The following ATP9A variants were observed in gnomAD, a reference collection of about 807,000 sequenced individuals.
ATP9A encodes probable phospholipid-transporting ATPase IIA.
A neutral mutation model predicts 144.1 loss-of-function variants in ATP9A; 52 were observed. The ratio of observed to expected loss-of-function variants is 0.36; its 90% CI spans 0.29 to 0.45. The LOEUF (loss-of-function observed/expected upper bound fraction) is 0.45, where lower values mean the gene tolerates loss of function less well. ATP9A is among the 20% of genes least tolerant of loss of function. The pLI is 1.00. For synonymous variants in ATP9A, 582 were observed against 557.4 expected (o/e 1.04, Z -0.62); for missense variants, 947 against 1,392.7 (o/e 0.68, Z 5.09).
intron 1 of ATP9A, among the ~76,000 whole-genome samples, chr20:51,739,420 C>A (rs369022854): frequency 4.0e-5 from 6 of 148,578 alleles, no homozygotes; most frequent in African/African-American, 1.5e-4. Flanking sequence ...GACACAATCT[C>A]GGCTCACTGC....
chr20:51,631,277 G>C (rs1439108605), intron 15 of ATP9A, among the ~76,000 whole-genome samples: 1 of 152,160 alleles, frequency 6.6e-6, no homozygotes, highest in East Asian at 1.9e-4. Context: ...GGCCAAGACA[G>C]GCACCCACGT....
chr20:51,740,242 A>C (rs1206802266), intron 1 of ATP9A, among the ~76,000 whole-genome samples: 1 of 151,234 alleles, frequency 6.6e-6, no homozygotes, highest in East Asian at 2.0e-4. Context: ...TTTTTTGTAG[A>C]GTCAGGGGTC....
rs748987403 is a variant in ATP9A at position 51,657,095 on chromosome 20, C to T, written c.1349G>A (p.Arg450Gln). The change falls in exon 14 of 28, where the codon CGG becomes CAG. Residue 450 changes from arginine to glutamine, a missense_variant. Around this residue, in one of 2 missense-constraint regions of ATP9A, gnomAD observed 770 missense variants for 1,047.9 expected, o/e 0.73. Transcript: ENST00000338821. The part of the protein sequence containing the change: ...KGPTLTTKVR[R>Q]TMSSRVHEAV... ...TTCGTGCACGCGGCTGCTCATGGTC[C>T]GCCGGACCTTAGTGGTGAGCGTTGG... The T allele has an allele frequency of 5.6e-6, 9 of 1,614,134 alleles. No homozygotes were observed. In the Admixed American group the frequency reaches 8.3e-5, roughly 15 times the overall value.
At chr20:51,705,805 T>G (rs933828459) in intron 4 of ATP9A, among the ~76,000 whole-genome samples, 3 of 152,218 alleles carry the variant, frequency 2.0e-5, no homozygotes, top group African/African-American at 7.2e-5. Context: ...CACTAATTAT[T>G]CTTTTCCAAT....
chr20:51,729,931 C>A lies in ATP9A; in HGVS notation c.116G>T (p.Arg39Leu). Residue 39 changes from arginine (R) to leucine (L), a missense_variant, in exon 2 of 28, where the codon CGC becomes CTC. By Grantham distance (102) the Arg-to-Leu change is moderately radical. Around this residue, in one of 2 missense-constraint regions of ATP9A, gnomAD observed 770 missense variants for 1,047.9 expected, o/e 0.73. Transcript: ENST00000338821. ...CTCGGGGTGCCCCAGCCAGACAGTG[C>A]GGGGCCTGGCCTCCCCTCCACCGCA... Reference protein sequence around the residue: ...RCCGGGEARPRTVWLGHPEKR... With the variant: ...RCCGGGEARPLTVWLGHPEKR... The A allele has an allele frequency of 6.3e-7, 1 of 1,590,112 alleles. No individual in the cohort carries two copies. Among genetic ancestry groups the A allele is most frequent in the Non-Finnish European group, 8.5e-7 (1 of 1,172,026 alleles).
Position 51,651,341 on chromosome 20 carries a change from A to ATATTTACATTATATG in ATP9A, c.1506+5596_1506+5597insCATATAATGTAAATA, listed in dbSNP as rs2077365351. On this transcript the variant is annotated intron_variant, in intron 14 of 27. Coordinates refer to ENST00000338821, the MANE Select transcript of ATP9A (RefSeq NM_006045.3). ...TATATAATATATATTTACATAATAT[A>ATATTTACATTATATG]TTATATAATATATATTTACATTATA... 7.0e-5 allele frequency among the ~76,000 whole-genome samples: 10 copies of ATATTTACATTATATG among 142,488 alleles called. No individual in the cohort carries two copies. The East Asian group carries it at 2.0e-3, about 28-fold the overall frequency. 93.5% of individuals were successfully genotyped at this position (142,488 alleles called of 152,430 possible).
intron 1 of ATP9A, among the ~76,000 whole-genome samples, chr20:51,762,686 G>C (rs1422755416): frequency 2.0e-5 from 3 of 147,452 alleles, no homozygotes; most frequent in Non-Finnish European, 4.5e-5. Flanking sequence ...AAGATTTAAG[G>C]TGATATATCC....
At chr20:51,726,300 C>T (rs1479732901) in intron 2 of ATP9A, among the ~76,000 whole-genome samples, 3 of 106,650 alleles carry the variant, frequency 2.8e-5, no homozygotes, top group Admixed American at 3.0e-4. Context: ...GCAACAAGAG[C>T]GAAACTCTGT....
At position 51,755,424 on chromosome 20, in the gene ATP9A, G is replaced by A. The variant is rs200440342; in HGVS notation, c.68+12878C>T. On this transcript the variant is annotated intron_variant, in intron 1 of 27. Transcript: ENST00000338821. ...CACTCCAGCCTGGGTGAAAGAACAA[G>A]ACTCCATCTCAATTAAAAAAAAAAA... 6.6e-5 allele frequency among the ~76,000 whole-genome samples: 10 copies of A among 151,592 alleles called. No individual in the cohort carries two copies. The East Asian group carries it at 1.9e-3, about 30-fold the overall frequency.
intron 18 of ATP9A, among the ~76,000 whole-genome samples, chr20:51,624,099 C>A (rs1053682075): frequency 6.6e-6 from 1 of 152,208 alleles, no homozygotes; most frequent in East Asian, 1.9e-4. Context: ...AAATGGGCCT[C>A]CAGCGGCCAG....
chr20:51,689,276 G>A (rs981748976), intron 8 of ATP9A, 137 bp from the exon 9 acceptor site: 15 of 765,382 alleles, frequency 2.0e-5, no homozygotes, highest in East Asian at 1.3e-4. Flanking sequence ...GGAAGCCGAC[G>A]GCTCCACCAT....
intron 1 of ATP9A, among the ~76,000 whole-genome samples, chr20:51,767,767 C>A (rs190152648): frequency 2.0e-3 from 304 of 152,254 alleles, no homozygotes; most frequent in African/African-American, 6.9e-3. Flanking sequence ...GAAGGGGCCA[C>A]CGGAGCGCAG....
intron 1 of ATP9A, among the ~76,000 whole-genome samples, chr20:51,762,560 G>A (rs1259520229): frequency 1.3e-5 from 2 of 151,690 alleles, no homozygotes; most frequent in East Asian, 1.9e-4. Context: ...GCAGGAGGCC[G>A]ATGCATGAGA....
intron 14 of ATP9A, among the ~76,000 whole-genome samples, chr20:51,646,985 G>A (rs1000691606): frequency 2.6e-5 from 4 of 152,026 alleles, no homozygotes; most frequent in East Asian, 1.9e-4. Context: ...TCACTGGGCC[G>A]GTGGGTGCCT....
At chr20:51,720,441 G>C (rs1358153358) in intron 3 of ATP9A, among the ~76,000 whole-genome samples, 1 of 152,202 alleles carries the variant, frequency 6.6e-6, no homozygotes, top group Admixed American at 6.5e-5. Flanking sequence ...GTCCCTGTTT[G>C]TACCTGACTG....
At chr20:51,752,050 C>T (rs973507528) in intron 1 of ATP9A, among the ~76,000 whole-genome samples, 17 of 69,710 alleles carry the variant, frequency 2.4e-4, no homozygotes, top group East Asian at 2.0e-3. Context: ...GTAGGAACAA[C>T]AACAAAAAAA....
intron 13 of ATP9A, among the ~76,000 whole-genome samples, chr20:51,659,212 T>G (rs914408424): frequency 6.6e-6 from 1 of 152,286 alleles, no homozygotes; most frequent in East Asian, 1.9e-4. Context: ...GCACTCCACT[T>G]GCCTTCCCGT....
chr20:51,730,446 G>GA (rs1475190459), intron 1 of ATP9A, among the ~76,000 whole-genome samples: 1 of 152,166 alleles, frequency 6.6e-6, no homozygotes, highest in Non-Finnish European at 1.5e-5. Flanking sequence ...CCAGCCTGGC[G>GA]AAAGACTGAG....
intron 14 of ATP9A, among the ~76,000 whole-genome samples, chr20:51,644,473 T>C (rs1434973994): frequency 1.1e-4 from 16 of 151,422 alleles, no homozygotes; most frequent in Admixed American, 9.9e-4. Flanking sequence ...GGTTTCACCA[T>C]GTTAGTCAGG....
Sources: gnomAD v4.1 joint callset for allele counts (sites outside exome capture counted in the v4.1 genomes callset) on GRCh38, gnomAD v4.1.1 for gene constraint, gnomAD v4.1.1 regional missense constraint, MANE v1.5 for transcripts, NCBI Gene and HGNC (gene_info 2026-07-23, HGNC 2026-07-21) for gene names.